The following ESRRG variants were observed in gnomAD, a reference collection of about 807,000 sequenced individuals.
ESRRG encodes the protein estrogen-related receptor gamma.
Under a neutral mutation model 44.0 loss-of-function variants are expected in ESRRG, and 13 were observed. The observed-to-expected ratio is 0.30, with a 90% CI of 0.19 to 0.47. The LOEUF (loss-of-function observed/expected upper bound fraction) is 0.47, where lower values mean the gene tolerates loss of function less well. Among genes scored for constraint, ESRRG ranks in the 20% least tolerant of loss-of-function variants. The probability of loss-of-function intolerance (pLI) is 1.00; values close to 1 mark genes in which losing one functional copy is unlikely to be tolerated. For missense variants in ESRRG, 395 were observed against 580.6 expected (o/e 0.68, Z 3.29); for synonymous variants, 215 against 214.6 (o/e 1.00, Z -0.02).
At chr1:216,905,446 G>C (rs1330681933) in intron 2 of ESRRG, among the ~76,000 whole-genome samples, 1 of 152,188 alleles carries the variant, frequency 6.6e-6, no homozygotes, top group East Asian at 1.9e-4. Flanking sequence ...CGGCTCAAAG[G>C]TTACCCCTTA....
intron 2 of ESRRG, among the ~76,000 whole-genome samples, chr1:216,664,186 C>A (rs961051467): frequency 6.6e-6 from 1 of 151,924 alleles, no homozygotes; most frequent in Non-Finnish European, 1.5e-5. Context: ...CTTTTAAAAG[C>A]TTTTAAAATA....
chr1:217,120,216 G>T (rs1329082715), intron 1 of ESRRG, among the ~76,000 whole-genome samples: 1 of 151,882 alleles, frequency 6.6e-6, no homozygotes, highest in African/African-American at 2.4e-5. Context: ...ATACATCCAG[G>T]AATACTGGAA....
intron 1 of ESRRG, among the ~76,000 whole-genome samples, chr1:217,075,597 C>CCCA (rs1437100440): frequency 6.7e-6 from 1 of 149,126 alleles, no homozygotes; most frequent in Non-Finnish European, 1.5e-5. Context: ...TTTCCCCCCC[C>CCCA]CAACATTAAT....
intron 1 of ESRRG, among the ~76,000 whole-genome samples, chr1:217,067,076 C>T (rs1179873690): frequency 6.6e-6 from 1 of 152,192 alleles, no homozygotes; most frequent in Non-Finnish European, 1.5e-5. Context: ...AACTTGTTCA[C>T]ATATGCAAAC....
chr1:216,616,690 GAT>G (rs2061469350), intron 3 of ESRRG, among the ~76,000 whole-genome samples: 1 of 133,794 alleles, frequency 7.5e-6, no homozygotes, highest in Non-Finnish European at 1.6e-5. Flanking sequence ...CCACTGAGCT[GAT>G]CTCACTTTCC....
intron 1 of ESRRG, among the ~76,000 whole-genome samples, chr1:217,022,898 A>G (rs2080581540): frequency 6.6e-6 from 1 of 152,162 alleles, no homozygotes; most frequent in Admixed American, 6.5e-5. Flanking sequence ...GAAGGAAGGC[A>G]GGAAAGGAGG....
intron 5 of ESRRG, among the ~76,000 whole-genome samples, chr1:216,527,024 C>T (rs1402539355): frequency 2.0e-5 from 3 of 152,174 alleles, no homozygotes; most frequent in Non-Finnish European, 2.9e-5. Flanking sequence ...TTTAGAGTAT[C>T]TATTACAAGT....
chr1:216,515,640 G>A lies in ESRRG; in HGVS notation c.1132+3512C>T, dbSNP rs531180909. On this transcript the variant is annotated intron_variant, in intron 6 of 6. Coordinates refer to ENST00000408911, the MANE Select transcript of ESRRG (RefSeq NM_001438.4). ...TAGGTGCTATTATTCTGGAAATAAT[G>A]TGTAGAAGTAAAAAAGAAAACTTGA... 5.9e-5 allele frequency among the ~76,000 whole-genome samples: 9 copies of A among 152,230 alleles called. No individual in the cohort carries two copies. In the South Asian group the frequency reaches 1.7e-3, roughly 28 times the overall value.
Position 216,750,274 on chromosome 1 carries a change from C to T in ESRRG, c.-13-72783G>A, listed in dbSNP as rs1271804052. ...CCTCGGAGAGAACAAAATCACTCTTCTACTTGTGGCTTGCCTTCCAGCTAG... is the reference window on the plus strand; with the variant it reads ...CCTCGGAGAGAACAAAATCACTCTTTTACTTGTGGCTTGCCTTCCAGCTAG... On this transcript the variant is annotated intron_variant, in intron 2 of 7. Coordinates refer to the ESRRG transcript ENST00000359162. Among the ~76,000 whole-genome samples the T allele has an allele frequency of 5.3e-5, 8 of 152,240 alleles. No individual in the cohort carries two copies. In the South Asian group the frequency reaches 1.2e-3, roughly 24 times the overall value.
At chr1:216,540,461 A>G (rs879517461) in intron 5 of ESRRG, among the ~76,000 whole-genome samples, 5 of 152,034 alleles carry the variant, frequency 3.3e-5, no homozygotes, top group Non-Finnish European at 5.9e-5. Context: ...ACCACAAAAT[A>G]TGTGCTAAAA....
At chr1:217,063,193 A>G (rs924623008) in intron 1 of ESRRG, among the ~76,000 whole-genome samples, 2 of 152,166 alleles carry the variant, frequency 1.3e-5, no homozygotes, top group African/African-American at 4.8e-5. Context: ...AGTTATTTTT[A>G]TATTTAATCC....
chr1:216,742,861 A>G (rs961191866), intron 2 of ESRRG, among the ~76,000 whole-genome samples: 1 of 149,486 alleles, frequency 6.7e-6, no homozygotes, highest in Non-Finnish European at 1.5e-5. Flanking sequence ...AGACAATTAA[A>G]AAAACCCTCA....
At chr1:216,608,307 G>A (rs1225850428) in intron 3 of ESRRG, among the ~76,000 whole-genome samples, 10 of 152,252 alleles carry the variant, frequency 6.6e-5, no homozygotes, top group South Asian at 2.1e-4. Flanking sequence ...GAAACAATGC[G>A]TATTTCATGT....
intron 2 of ESRRG, among the ~76,000 whole-genome samples, chr1:216,858,402 A>C (rs1418818897): frequency 6.6e-6 from 1 of 152,124 alleles, no homozygotes; most frequent in Non-Finnish European, 1.5e-5. Context: ...GTACCATTGC[A>C]CTACAGCCTG....
chr1:216,560,743 G>A (rs927784417), intron 5 of ESRRG, among the ~76,000 whole-genome samples: 3 of 151,952 alleles, frequency 2.0e-5, no homozygotes, highest in African/African-American at 7.2e-5. Flanking sequence ...GGAGTGTGCA[G>A]TACCTCCGTA....
chr1:217,024,377 A>G (rs1350665141), intron 1 of ESRRG, among the ~76,000 whole-genome samples: 2 of 151,052 alleles, frequency 1.3e-5, no homozygotes, highest in Non-Finnish European at 3.0e-5. Flanking sequence ...AAAAAATTAG[A>G]GCACTGAATA....
At chr1:216,569,237 G>GAAAGGAAAGGAAAGGAAAGGAAAGA (rs762517378) in intron 3 of ESRRG, among the ~76,000 whole-genome samples, 1,266 of 124,194 alleles carry the variant, frequency 0.01, 109 homozygotes, top group Middle Eastern at 0.021. Context: ...GAAAGGAAAG[G>GAAAGGAAAGGAAAGGAAAGGAAAGA]AAAGGAAAGG....
intron 2 of ESRRG, among the ~76,000 whole-genome samples, chr1:216,770,664 C>G (rs2093343523): frequency 6.6e-6 from 1 of 151,992 alleles, no homozygotes; most frequent in African/African-American, 2.4e-5. Context: ...ATACATGATA[C>G]TTTACATGAA....
upstream of ESRRG, among the ~76,000 whole-genome samples, chr1:216,728,242 C>T (rs1018395656): frequency 4.6e-5 from 7 of 152,134 alleles, no homozygotes; most frequent in Non-Finnish European, 2.9e-5. Context: ...GAATGTTAAG[C>T]ACCATGAGCT....
Sources: gnomAD v4.1 joint callset for allele counts (sites outside exome capture counted in the v4.1 genomes callset) on GRCh38, gnomAD v4.1.1 for gene constraint, MANE v1.5 for transcripts, NCBI Gene and HGNC (gene_info 2026-07-23, HGNC 2026-07-21) for gene names.